The following KCNIP4 variants were observed in gnomAD, a reference collection of about 807,000 sequenced individuals.
KCNIP4 encodes the protein Kv channel-interacting protein 4.
A neutral mutation model predicts 34.0 loss-of-function variants in KCNIP4; 12 were observed. The ratio of observed to expected loss-of-function variants is 0.35; its 90% CI spans 0.23 to 0.57. The LOEUF is 0.57. KCNIP4 is among the 20% of genes least tolerant of loss of function. The pLI is 0.83. For missense variants in KCNIP4, 238 were observed against 311.7 expected, an observed-to-expected ratio of 0.76 and a Z score of 1.78; for synonymous variants, 124 against 102.2, an observed-to-expected ratio of 1.21 and a Z score of -1.29.
rs571247768 is a variant in KCNIP4 at position 21,340,392 on chromosome 4, A to G, written c.62-457683T>C. On this transcript the variant is annotated intron_variant, in intron 1 of 8. Transcript: ENST00000382152. The stretch of plus-strand genomic sequence containing the variant: ...ATTATTCTTTAGGTCTGATCTTAGG[A>G]AACTATTTGAAGCCATCTGTTATTT... Among the ~76,000 whole-genome samples, 5 of 152,286 alleles carry G rather than the reference A, an allele frequency of 3.3e-5. No individual in the cohort carries two copies. In the East Asian group the frequency reaches 9.6e-4, roughly 29 times the overall value.
At position 21,473,327 on chromosome 4, in the gene KCNIP4, G is replaced by A. The variant is rs762968756; in HGVS notation, c.61+475244C>T. Among the ~76,000 whole-genome samples, 69 of 152,248 alleles carry A rather than the reference G, an allele frequency of 4.5e-4. 1 individual carries two copies. In the Middle Eastern group the frequency reaches 0.024, roughly 53 times the overall value. The stretch of plus-strand genomic sequence containing the variant: ...TTTAAACTGTCAAATTCTCTATCGG[G>A]AACTGGGGCATCTAGCCCTTTCCCT... On this transcript the variant is annotated intron_variant, in intron 1 of 8. Transcript: ENST00000382152.
chr4:20,732,808 G>C (rs771055362), intron 6 of KCNIP4, 23 bp from the exon 7 acceptor site: 7 of 1,371,414 alleles, frequency 5.1e-6, no homozygotes, highest in Non-Finnish European at 7.3e-6. Context: ...AGGCACTCAC[G>C]TGAGGCTGCA....
intron 1 of KCNIP4, among the ~76,000 whole-genome samples, chr4:21,249,072 T>C (rs1760496381): frequency 6.6e-6 from 1 of 152,144 alleles, no homozygotes; most frequent in African/African-American, 2.4e-5. Flanking sequence ...TCGTATTTTC[T>C]TTAAAGTGTA....
At chr4:21,211,905 G>A (rs574791914) in intron 1 of KCNIP4, among the ~76,000 whole-genome samples, 8 of 151,276 alleles carry the variant, frequency 5.3e-5, no homozygotes, top group African/African-American at 1.7e-4. Flanking sequence ...ATATTGCATT[G>A]GAGATCTTTT....
Position 21,757,231 on chromosome 4 carries a change from GAAAGAAAGAAAGAAAGAAAAGA to G in KCNIP4, c.61+191318_61+191339del, listed in dbSNP as rs1207539194. Among the ~76,000 whole-genome samples the G allele has an allele frequency of 4.9e-3, 136 of 27,570 alleles. 9 individuals carry two copies. Among genetic ancestry groups the G allele is most frequent in the East Asian group, 0.013 (22 of 1,688 alleles). 18.1% of individuals were successfully genotyped at this position (27,570 alleles called of 152,430 possible). On this transcript the variant is annotated intron_variant, in intron 1 of 8. Transcript: ENST00000382152. ...AGAAAGAAAGAAAGAAAGAAAGAAA[GAAAGAAAGAAAGAAAGAAAAGA>G]AAAGAAAAGAAAAGAAAAGAAAAGA...
chr4:21,134,511 G>T (rs111867403), intron 1 of KCNIP4, among the ~76,000 whole-genome samples: 1 of 152,068 alleles, frequency 6.6e-6, no homozygotes, highest in African/African-American at 2.4e-5. Flanking sequence ...CTGCAAACGG[G>T]GGTCAGCATC....
chr4:21,587,211 G>A (rs181482365), intron 1 of KCNIP4, among the ~76,000 whole-genome samples: 99 of 152,036 alleles, frequency 6.5e-4, no homozygotes, highest in African/African-American at 2.0e-3. Flanking sequence ...TTAAAATCCC[G>A]CACTATTGGG....
At chr4:21,134,975 G>A (rs542168114) in intron 1 of KCNIP4, among the ~76,000 whole-genome samples, 1 of 152,262 alleles carries the variant, frequency 6.6e-6, no homozygotes, top group African/African-American at 2.4e-5. Context: ...TGCAAGGAAA[G>A]GTCAACTTTA....
chr4:21,667,718 T>G (rs748331433), intron 1 of KCNIP4, among the ~76,000 whole-genome samples: 2 of 152,220 alleles, frequency 1.3e-5, no homozygotes, highest in Non-Finnish European at 2.9e-5. Context: ...GAAAATATTA[T>G]GAAGAATTGC....
chr4:21,056,009 G>A (rs144435056), intron 1 of KCNIP4, among the ~76,000 whole-genome samples: 31 of 152,192 alleles, frequency 2.0e-4, no homozygotes, highest in African/African-American at 5.3e-4. Flanking sequence ...GGTGAGAGAC[G>A]TAAATAAGAG....
intron 1 of KCNIP4, among the ~76,000 whole-genome samples, chr4:21,206,831 G>A (rs1415830773): frequency 6.6e-6 from 1 of 152,194 alleles, no homozygotes; most frequent in Non-Finnish European, 1.5e-5. Flanking sequence ...AACACAGCTA[G>A]TAAAGGAGGT....
chr4:21,150,889 A>G (rs1226377731), intron 1 of KCNIP4, among the ~76,000 whole-genome samples: 2 of 152,208 alleles, frequency 1.3e-5, no homozygotes, highest in Non-Finnish European at 2.9e-5. Flanking sequence ...ATTTCTTGTT[A>G]ATCAACACAG....
At chr4:21,421,732 A>G (rs1725466520) in intron 1 of KCNIP4, among the ~76,000 whole-genome samples, 1 of 152,212 alleles carries the variant, frequency 6.6e-6, no homozygotes, top group Non-Finnish European at 1.5e-5. Context: ...GAAAATTGCT[A>G]AAAAGACCAT....
chr4:21,740,365 C>A lies in KCNIP4; in HGVS notation c.61+208206G>T, dbSNP rs530818899. Among the ~76,000 whole-genome samples the A allele has an allele frequency of 1.2e-4, 19 of 152,108 alleles. 1 individual carries two copies. Among genetic ancestry groups the A allele is most frequent in the African/African-American group, 4.6e-4 (19 of 41,546 alleles). On this transcript the variant is annotated intron_variant, in intron 1 of 8. Coordinates refer to ENST00000382152, the MANE Select transcript of KCNIP4 (RefSeq NM_025221.6). ...TCTCCCTTCATTCATTCTTTCTTTTCTCCCTTCCTTCCCTCTTTTCATTCC... is the reference window on the plus strand; with the variant it reads ...TCTCCCTTCATTCATTCTTTCTTTTATCCCTTCCTTCCCTCTTTTCATTCC...
At chr4:21,524,561 A>G (rs1735812913) in intron 1 of KCNIP4, among the ~76,000 whole-genome samples, 1 of 151,936 alleles carries the variant, frequency 6.6e-6, no homozygotes, top group African/African-American at 2.4e-5. Context: ...TACACCTGCT[A>G]ATGTTTTGCC....
At chr4:21,370,844 TATATATACACACACACAC>T (rs1720337004) in intron 1 of KCNIP4, among the ~76,000 whole-genome samples, 3 of 25,912 alleles carry the variant, frequency 1.2e-4, no homozygotes, top group South Asian at 5.1e-3. Context: ...TATATATATA[TATATATACACACACACAC>T]ACACACACAC....
chr4:21,065,575 A>G (rs1178668530), intron 1 of KCNIP4, among the ~76,000 whole-genome samples: 1 of 151,868 alleles, frequency 6.6e-6, no homozygotes, highest in Non-Finnish European at 1.5e-5. Context: ...TTCTACAAGC[A>G]CAAATAACAT....
intron 1 of KCNIP4, among the ~76,000 whole-genome samples, chr4:21,837,544 A>AAAAAAAAAAAC (rs1553936452): frequency 7.0e-6 from 1 of 142,664 alleles, no homozygotes; most frequent in Non-Finnish European, 1.6e-5. Flanking sequence ...AAAAAAAAAA[A>AAAAAAAAAAAC]AAAGAAAAAG....
At chr4:21,761,668 A>G (rs938676132) in intron 1 of KCNIP4, among the ~76,000 whole-genome samples, 1 of 152,088 alleles carries the variant, frequency 6.6e-6, no homozygotes, top group Admixed American at 6.6e-5. Flanking sequence ...AATATACCAC[A>G]ATATTAAAAG....
Sources: gnomAD v4.1 joint callset for allele counts (sites outside exome capture counted in the v4.1 genomes callset) on GRCh38, gnomAD v4.1.1 for gene constraint, MANE v1.5 for transcripts, NCBI Gene and HGNC (gene_info 2026-07-23, HGNC 2026-07-21) for gene names.